The following LRRC72 variants were observed in gnomAD, a reference collection of about 807,000 sequenced individuals.
LRRC72 encodes the protein leucine-rich repeat-containing protein 72.
LRRC72 carries 41 observed loss-of-function variants against 35.8 expected under a neutral mutation model. The ratio of observed to expected loss-of-function variants is 1.15; its 90% confidence interval spans 0.89 to 1.49. The LOEUF (loss-of-function observed/expected upper bound fraction) is 1.49, where lower values mean the gene tolerates loss of function less well. LRRC72 is among the 40% of genes most tolerant of loss of function. The pLI, the probability that LRRC72 is intolerant of heterozygous loss-of-function variation, is 0.00. For synonymous variants in LRRC72, 118 were observed against 119.2 expected (o/e 0.99, Z 0.07); for missense variants, 389 against 330.7 (o/e 1.18, Z -1.37).
At chr7:16,548,675 C>G (rs761630246) in intron 3 of LRRC72, among the ~76,000 whole-genome samples, 1 of 152,232 alleles carries the variant, frequency 6.6e-6, no homozygotes. Context: ...TGCTCTGTGC[C>G]TGGCTCACTC....
intron 1 of LRRC72, among the ~76,000 whole-genome samples, chr7:16,527,480 G>A (rs1782090964): frequency 6.6e-6 from 1 of 152,052 alleles, no homozygotes. Context: ...GTGGATGTGG[G>A]TGTGGGTGTG....
rs184797867 is a variant in LRRC72 at position 16,559,018 on chromosome 7, A to G, written c.427+19A>G. ...ATCCTAAGTAACAATTTGCAATTTT[A>G]TATGGCCATAAGTTAAAATAGTATT... On this transcript the variant is annotated intron_variant, in intron 5 of 8. Transcript: ENST00000401542. The G allele has an allele frequency of 2.4e-4, 330 of 1,378,764 alleles. 1 individual carries two copies. Among genetic ancestry groups the G allele is most frequent in the Middle Eastern group, 3.6e-4 (2 of 5,608 alleles). 85.4% of individuals were successfully genotyped at this position (1,378,764 alleles called of 1,614,324 possible).
chr7:16,577,805 G>A (rs974226636), intron 7 of LRRC72, among the ~76,000 whole-genome samples: 17 of 152,090 alleles, frequency 1.1e-4, no homozygotes, highest in Admixed American at 3.9e-4. Context: ...CTTCACTAAC[G>A]ATCAAATAAA....
chr7:16,575,629 T>C (rs779498369), intron 7 of LRRC72, among the ~76,000 whole-genome samples: 1 of 152,232 alleles, frequency 6.6e-6, no homozygotes, highest in Non-Finnish European at 1.5e-5. Flanking sequence ...ATTGAGATAC[T>C]TGATCTGACA....
intron 7 of LRRC72, among the ~76,000 whole-genome samples, chr7:16,572,262 T>C (rs1782960599): frequency 6.6e-6 from 1 of 152,204 alleles, no homozygotes; most frequent in African/African-American, 2.4e-5. Context: ...TCTGGAACTA[T>C]TTTAAACCAT....
At chr7:16,553,095 G>C (rs1782583962) in intron 3 of LRRC72, among the ~76,000 whole-genome samples, 1 of 151,916 alleles carries the variant, frequency 6.6e-6, no homozygotes, top group Non-Finnish European at 1.5e-5. Flanking sequence ...TCCATTTCTG[G>C]TCAAAATTTT....
intron 7 of LRRC72, among the ~76,000 whole-genome samples, chr7:16,568,291 G>A (rs978544739): frequency 2.0e-5 from 3 of 152,074 alleles, no homozygotes; most frequent in Non-Finnish European, 4.4e-5. Flanking sequence ...AAGAGAGGGT[G>A]GATAAGAAAA....
chr7:16,574,236 T>C (rs550195858), intron 7 of LRRC72, among the ~76,000 whole-genome samples: 1 of 152,194 alleles, frequency 6.6e-6, no homozygotes, highest in Non-Finnish European at 1.5e-5. Flanking sequence ...TGGAAGACAA[T>C]GTGGCGATTC....
chr7:16,557,446 G>T lies in LRRC72; in HGVS notation c.316+5G>T. 8.6e-7 allele frequency: 1 copy of T among 1,158,792 alleles called. No individual in the cohort carries two copies. Among genetic ancestry groups the T allele is most frequent in the Non-Finnish European group, 1.1e-6 (1 of 875,328 alleles). The allele number at this position is 1,158,792 out of a possible 1,614,324, so 71.8% of individuals were successfully genotyped here. On this transcript the variant is annotated splice_donor_5th_base_variant and intron_variant, in intron 4 of 8. Coordinates refer to ENST00000401542, the MANE Select transcript of LRRC72 (RefSeq NM_001195280.2). The stretch of plus-strand genomic sequence containing the variant: ...ATGCAATATTTGAGATAGAAGGTAC[G>T]TCTTAAATTCTCTGTTGATTTAATA...
chr7:16,569,551 G>A (rs1782906683), intron 7 of LRRC72, among the ~76,000 whole-genome samples: 1 of 152,138 alleles, frequency 6.6e-6, no homozygotes, highest in Non-Finnish European at 1.5e-5. Context: ...GGATTAAAAT[G>A]TTTCAGCAGC....
chr7:16,530,803 T>C (rs559345459), intron 1 of LRRC72, among the ~76,000 whole-genome samples: 36 of 152,322 alleles, frequency 2.4e-4, no homozygotes, highest in African/African-American at 8.7e-4. Flanking sequence ...TGCCAAGTTT[T>C]AATTCTTCTT....
rs749279663 is a variant in LRRC72, at chr7:16,526,916, GATTA to G, written c.-34_-31del. 1 of 1,514,436 alleles carries G rather than the reference GATTA, an allele frequency of 6.6e-7. No homozygotes were observed. 93.8% of individuals were successfully genotyped at this position (1,514,436 alleles called of 1,614,324 possible). ...TCGGTGCCACCGGCGGGCGAGGCCGGATTAATCACCGCTGCTTCGGCCGCCCATG... is the reference window on the plus strand; with the variant it reads ...TCGGTGCCACCGGCGGGCGAGGCCGGATCACCGCTGCTTCGGCCGCCCATG... On this transcript the variant is annotated 5_prime_UTR_variant, in exon 1 of 9. Coordinates refer to ENST00000401542, the MANE Select transcript of LRRC72 (RefSeq NM_001195280.2).
intron 2 of LRRC72, among the ~76,000 whole-genome samples, chr7:16,534,855 T>C (rs1040047979): frequency 6.6e-6 from 1 of 152,162 alleles, no homozygotes; most frequent in South Asian, 2.1e-4. Context: ...GCTACATATA[T>C]ACAGTGAGAG....
intron 3 of LRRC72, 94 bp from the exon 4 acceptor site, chr7:16,557,264 TAA>T (rs1247113620): frequency 6.6e-6 from 2 of 302,332 alleles, no homozygotes; most frequent in Non-Finnish European, 1.2e-5. Flanking sequence ...TTATTATAAT[TAA>T]ATATATATTA....
chr7:16,547,695 GC>G (rs1782472445), intron 3 of LRRC72, among the ~76,000 whole-genome samples: 2 of 152,228 alleles, frequency 1.3e-5, no homozygotes. Flanking sequence ...CACACTTGAG[GC>G]AATGCTGGTA....
At chr7:16,559,066 A>G in intron 5 of LRRC72, 67 bp downstream of exon 5, 5 of 997,618 alleles carry the variant, frequency 5.0e-6, no homozygotes, top group Admixed American at 2.4e-5. Context: ...TTTTCCATTT[A>G]TCAAGTTTAA....
At chr7:16,559,163 G>A (rs377458103) in intron 5 of LRRC72, among the ~76,000 whole-genome samples, 164 bp downstream of exon 5, 121 of 152,290 alleles carry the variant, frequency 7.9e-4, no homozygotes, top group African/African-American at 2.6e-3. Context: ...GCAGGCTGAG[G>A]TGGGCGGATC....
intron 5 of LRRC72, among the ~76,000 whole-genome samples, chr7:16,565,244 C>G (rs1029832175): frequency 1.3e-5 from 2 of 152,138 alleles, no homozygotes; most frequent in African/African-American, 2.4e-5. Flanking sequence ...ACCAGCCTTG[C>G]CAACATGGCG....
intron 1 of LRRC72, chr7:16,530,370 G>A (rs1217483067): frequency 1.8e-4 from 27 of 152,274 alleles, no homozygotes; most frequent in Non-Finnish European, 4.4e-5. Flanking sequence ...CTGTTTTTCT[G>A]TTCTATTGGG....
Sources: allele counts gnomAD v4.1 joint callset (sites outside exome capture counted in the v4.1 genomes callset), GRCh38; gene constraint gnomAD v4.1.1; transcripts MANE v1.5; gene names NCBI Gene and HGNC (gene_info 2026-07-23, HGNC 2026-07-21).